STIM2: variants seen among roughly 807,000 people sequenced by gnomAD.
STIM2 encodes stromal interaction molecule 2.
Under a neutral mutation model 85.8 loss-of-function variants are expected in STIM2, and 31 were observed. The observed-to-expected ratio is 0.36, with a 90% confidence interval of 0.27 to 0.49. The LOEUF (loss-of-function observed/expected upper bound fraction) is 0.49, where lower values mean the gene tolerates loss of function less well. Ranked by LOEUF, STIM2 falls within the 20% of genes least tolerant of loss-of-function variation. The pLI, the probability that STIM2 is intolerant of heterozygous loss-of-function variation, is 0.98. For synonymous variants in STIM2, 356 were observed against 331.1 expected (o/e 1.08, Z -0.82); for missense variants, 841 against 927.6 (o/e 0.91, Z 1.21).
intron 6 of STIM2, 78 bp downstream of exon 6, chr4:27,002,472 A>T (rs1283838777): frequency 8.7e-7 from 1 of 1,144,658 alleles, no homozygotes; most frequent in Non-Finnish European, 1.2e-6. Context: ...ATGTGCTTAA[A>T]TACTTACATT....
chr4:26,996,070 C>G (rs1019197197), intron 4 of STIM2, among the ~76,000 whole-genome samples: 1 of 151,944 alleles, frequency 6.6e-6, no homozygotes, highest in African/African-American at 2.4e-5. Context: ...AAGTCAGAGA[C>G]AAGTTAAACA....
Position 27,002,393 on chromosome 4 carries a change from A to G in STIM2, c.802A>G (p.Arg268Gly). The G allele has an allele frequency of 6.3e-7, 1 of 1,586,704 alleles. No homozygotes were observed. The highest frequency in any genetic ancestry group is 8.5e-7 in the Non-Finnish European group (1 of 1,171,098). ...GCAAAGTCTAATGGACTTACAGGAGAGGTAAGTTCAGAAAAATCATAACTC... is the reference window on the plus strand; with the variant it reads ...GCAAAGTCTAATGGACTTACAGGAGGGGTAAGTTCAGAAAAATCATAACTC... The change falls in exon 6 of 12, where the codon AGG becomes GGG. Residue 268 changes from arginine (R) to glycine (G), a missense_variant and splice_region_variant. Coordinates refer to ENST00000467087, the MANE Select transcript of STIM2 (RefSeq NM_020860.4).
intron 5 of STIM2, among the ~76,000 whole-genome samples, chr4:27,001,305 T>C (rs945831863): frequency 2.0e-5 from 3 of 152,210 alleles, no homozygotes; most frequent in African/African-American, 7.2e-5. Context: ...GTGTACTGAC[T>C]GGGCTAAATC....
In STIM2 at chr4:27,008,115, A is replaced by C; in HGVS notation, c.1150-313A>C. 4 of 667,180 alleles carry C rather than the reference A, an allele frequency of 6.0e-6. No homozygotes were observed. The South Asian group carries it at 7.0e-5, about 12-fold the overall frequency. The allele number at this position is 667,180 out of a possible 1,614,324, so 41.3% of individuals were successfully genotyped here. ...TTAAAAGCTTAGTTCACTCACTAGC[A>C]CCATTGTAGTATAATATAGCTAATG... On this transcript the variant is annotated intron_variant, in intron 8 of 11. Coordinates refer to ENST00000467087, the MANE Select transcript of STIM2 (RefSeq NM_020860.4).
At chr4:26,910,284 G>A (rs1293300001) in intron 1 of STIM2, among the ~76,000 whole-genome samples, 1 of 152,088 alleles carries the variant, frequency 6.6e-6, no homozygotes, top group African/African-American at 2.4e-5. Flanking sequence ...CGCTTTGGGA[G>A]GCCAAGGCAG....
rs543306438 is a variant in STIM2, at chr4:26,905,226, A to G, written c.152-14278A>G. On this transcript the variant is annotated intron_variant, in intron 1 of 11. Transcript: ENST00000467087. ...AGTTGCAGTCTGTGGTTATTAATTT[A>G]AAGCATCATGATTAGCCATATTGAG... Among the ~76,000 whole-genome samples, 39 of 152,292 alleles carry G rather than the reference A, an allele frequency of 2.6e-4. 1 individual carries two copies. Among genetic ancestry groups the G allele is most frequent in the African/African-American group, 8.9e-4 (37 of 41,554 alleles).
In STIM2 at chr4:27,021,948, T is replaced by A. The variant is rs148356290; in HGVS notation, c.1764-571T>A. Among the ~76,000 whole-genome samples, 1,237 of 152,266 alleles carry A rather than the reference T, an allele frequency of 8.1e-3. 8 individuals carry two copies. The highest frequency in any genetic ancestry group is 0.016 in the African/African-American group (674 of 41,546). On this transcript the variant is annotated intron_variant, in intron 11 of 11. Transcript: ENST00000467087. ...GAATTTACTGAATGTCTGTTTTTTT[T>A]AAAAATAGCATCATATGTTTGCCCC...
In STIM2 at chr4:27,022,498, CT is replaced by C. The variant is rs1399482086; in HGVS notation, c.1764-18del. On this transcript the variant is annotated intron_variant, in intron 11 of 11. Transcript: ENST00000467087. ...GAACATACTGATTTAAAATTTGTAC[CT>C]TTGTTTGTGTTTCATTCAGGGAAGT... 12 of 1,548,378 alleles carry C rather than the reference CT, an allele frequency of 7.8e-6. No homozygotes were observed. The highest frequency in any genetic ancestry group is 5.5e-5 in the Admixed American group (3 of 54,096).
chr4:26,981,229 C>T (rs1444121260), intron 3 of STIM2, among the ~76,000 whole-genome samples: 2 of 152,116 alleles, frequency 1.3e-5, no homozygotes, highest in Non-Finnish European at 2.9e-5. Flanking sequence ...AATAAGTACC[C>T]ACCCCCCACC....
chr4:27,015,867 A>C (rs1382975755), intron 10 of STIM2, among the ~76,000 whole-genome samples: 2 of 151,302 alleles, frequency 1.3e-5, no homozygotes, highest in Non-Finnish European at 1.5e-5. Context: ...TGAAAAAAAA[A>C]CACTAGCCAT....
chr4:26,886,324 G>A lies in STIM2; in HGVS notation c.151+24955G>A, dbSNP rs552793407. On this transcript the variant is annotated intron_variant, in intron 1 of 11. Transcript: ENST00000467087. ...CTTACAGATATTGTTGTAGGTATTG[G>A]AGCAATGAAGAAAACGATGAGCTTA... Among the ~76,000 whole-genome samples, 17 of 152,126 alleles carry A rather than the reference G, an allele frequency of 1.1e-4. No homozygotes were observed. In the East Asian group the frequency reaches 1.2e-3, roughly 10 times the overall value.
At chr4:26,968,883 C>G (rs565184042) in intron 3 of STIM2, among the ~76,000 whole-genome samples, 1 of 152,240 alleles carries the variant, frequency 6.6e-6, no homozygotes, top group South Asian at 2.1e-4. Flanking sequence ...AAGGGAAGCA[C>G]TGGACTGATA....
At chr4:26,969,321 C>G (rs1726843896) in intron 3 of STIM2, among the ~76,000 whole-genome samples, 1 of 152,064 alleles carries the variant, frequency 6.6e-6, no homozygotes, top group Non-Finnish European at 1.5e-5. Context: ...AGAAGGGAGG[C>G]CCAAGAGATT....
intron 2 of STIM2, among the ~76,000 whole-genome samples, chr4:26,953,408 A>C (rs1375224036): frequency 6.6e-6 from 1 of 152,114 alleles, no homozygotes; most frequent in African/African-American, 2.4e-5. Context: ...TGTAGTAGAC[A>C]ATTTTATTTT....
intron 1 of STIM2, among the ~76,000 whole-genome samples, chr4:26,905,636 T>TA (rs1560202056): frequency 1.3e-5 from 2 of 152,108 alleles, no homozygotes; most frequent in Admixed American, 1.3e-4. Flanking sequence ...TTGATCCTTA[T>TA]AAAAAAGAGA....
chr4:26,962,384 T>A (rs1312369411), intron 3 of STIM2, among the ~76,000 whole-genome samples: 2 of 152,216 alleles, frequency 1.3e-5, no homozygotes. Flanking sequence ...TCTCACAATA[T>A]TTATTGATAA....
At chr4:26,960,212 G>A (rs187961919) in intron 3 of STIM2, among the ~76,000 whole-genome samples, 27 of 152,286 alleles carry the variant, frequency 1.8e-4, no homozygotes, top group Admixed American at 1.6e-3. Context: ...GAAACGAAAA[G>A]TAGTTCTTCT....
chr4:26,960,109 G>C (rs1447890218), intron 3 of STIM2, among the ~76,000 whole-genome samples: 2 of 152,158 alleles, frequency 1.3e-5, no homozygotes, highest in Admixed American at 6.6e-5. Flanking sequence ...AAACATTCAG[G>C]CTCCAGGAGG....
chr4:26,966,279 A>G (rs897391516), intron 3 of STIM2, among the ~76,000 whole-genome samples: 6 of 152,054 alleles, frequency 3.9e-5, no homozygotes, highest in Non-Finnish European at 8.8e-5. Context: ...TGTGTGTTAC[A>G]TTTTCCTTTA....
Sources: allele counts gnomAD v4.1 joint callset (sites outside exome capture counted in the v4.1 genomes callset), GRCh38; gene constraint gnomAD v4.1.1; transcripts MANE v1.5; gene names NCBI Gene and HGNC (gene_info 2026-07-23, HGNC 2026-07-21).